Variants in PTPRJ observed in about 807,000 individuals in gnomAD.
PTPRJ encodes protein tyrosine phosphatase receptor type J.
In PTPRJ, 129 loss-of-function variants were observed where a neutral mutation model predicts 141.3. That is an observed-to-expected ratio of 0.91 (90% CI 0.79 to 1.06). The LOEUF is 1.06. Ranked by LOEUF, PTPRJ falls within the 50% of genes least tolerant of loss-of-function variation. The probability of loss-of-function intolerance (pLI) is 0.00; values close to 1 mark genes in which losing one functional copy is unlikely to be tolerated. For missense variants in PTPRJ, 1,601 were observed against 1,679.7 expected (o/e 0.95, Z 0.82); for synonymous variants, 610 against 640.5 (o/e 0.95, Z 0.72).
At chr11:48,033,530 T>A (rs750070013) in intron 1 of PTPRJ, among the ~76,000 whole-genome samples, 6 of 152,118 alleles carry the variant, frequency 3.9e-5, no homozygotes, top group Non-Finnish European at 8.8e-5. Context: ...TACCTGTTCA[T>A]CTTGTTGACA....
At chr11:48,070,783 T>C (rs1189102099) in intron 1 of PTPRJ, among the ~76,000 whole-genome samples, 2 of 152,274 alleles carry the variant, frequency 1.3e-5, no homozygotes, top group Non-Finnish European at 2.9e-5. Flanking sequence ...GTTTTTGTTC[T>C]ATGTATTATT....
At chr11:48,021,530 C>A (rs976877549) in intron 1 of PTPRJ, among the ~76,000 whole-genome samples, 5 of 151,890 alleles carry the variant, frequency 3.3e-5, no homozygotes, top group African/African-American at 1.2e-4. Context: ...GAAAGGAAGC[C>A]AAAAATGGGT....
intron 1 of PTPRJ, among the ~76,000 whole-genome samples, chr11:48,104,396 T>G (rs917356202): frequency 6.6e-5 from 10 of 152,240 alleles, no homozygotes; most frequent in Non-Finnish European, 1.3e-4. Context: ...TTGAAATCTG[T>G]GCTGCTCCAA....
chr11:48,046,426 C>G (rs919809027), intron 1 of PTPRJ: 3 of 152,112 alleles, frequency 2.0e-5, no homozygotes, highest in African/African-American at 7.2e-5. Context: ...GAAATGGAGA[C>G]TAAGAGCTCT....
chr11:47,987,350 G>T (rs1340605173), intron 1 of PTPRJ, among the ~76,000 whole-genome samples: 1 of 152,166 alleles, frequency 6.6e-6, no homozygotes, highest in Admixed American at 6.5e-5. Flanking sequence ...TAAAAAGTTG[G>T]TCTAAAGAAA....
At chr11:48,131,082 T>G (rs1195704351) in intron 8 of PTPRJ, among the ~76,000 whole-genome samples, 1 of 128,234 alleles carries the variant, frequency 7.8e-6, no homozygotes, top group East Asian at 2.2e-4. Context: ...TTTTTTTTTT[T>G]TTTTTTTTTT....
At chr11:48,007,414 TTTTTC>T (rs1854653768) in intron 1 of PTPRJ, among the ~76,000 whole-genome samples, 2 of 151,440 alleles carry the variant, frequency 1.3e-5, no homozygotes, top group Admixed American at 1.3e-4. Context: ...GGGCCAGGCC[TTTTTC>T]TTTTCTTTTT....
At chr11:48,075,178 C>G (rs1323671280) in intron 1 of PTPRJ, among the ~76,000 whole-genome samples, 1 of 152,202 alleles carries the variant, frequency 6.6e-6, no homozygotes, top group Non-Finnish European at 1.5e-5. Flanking sequence ...GAGTCTCACT[C>G]TGTCACCCAC....
chr11:48,017,837 T>G (rs929860769), intron 1 of PTPRJ, among the ~76,000 whole-genome samples: 5 of 152,208 alleles, frequency 3.3e-5, no homozygotes, highest in African/African-American at 2.4e-5. Context: ...CTCATAGAGC[T>G]TTGGGCAGTG....
At position 48,144,666 on chromosome 11, in the gene PTPRJ, C is replaced by G. The variant is rs1316631869; in HGVS notation, c.2576-9C>G. 7 of 1,608,358 alleles carry G rather than the reference C, an allele frequency of 4.4e-6. No individual in the cohort carries two copies. Among genetic ancestry groups the G allele is most frequent in the Non-Finnish European group, 6.0e-6 (7 of 1,175,028 alleles). On this transcript the variant is annotated splice_polypyrimidine_tract_variant and intron_variant, in intron 12 of 24. Coordinates refer to ENST00000418331, the MANE Select transcript of PTPRJ (RefSeq NM_002843.4). Reference sequence around the variant, plus strand: ...TTCTTATGATTCTCCTTCTGTGTACCTTTCTTAGCTGGTCACCCTTCTGCA... The same window carrying G: ...TTCTTATGATTCTCCTTCTGTGTACGTTTCTTAGCTGGTCACCCTTCTGCA...
chr11:48,159,534 A>G (rs116739518), intron 21 of PTPRJ, among the ~76,000 whole-genome samples: 115 of 152,348 alleles, frequency 7.5e-4, no homozygotes, highest in African/African-American at 2.7e-3. Flanking sequence ...ATTTTTAAAG[A>G]GAAAATAAGT....
In PTPRJ at chr11:48,168,534, GTATA is replaced by G. The variant is rs71045551; in HGVS notation, c.*1217_*1220del. The G allele has an allele frequency of 8.2e-3, 363 of 44,002 alleles. 9 individuals carry two copies. The highest frequency in any genetic ancestry group is 0.054 in the East Asian group (79 of 1,456). 2.7% of individuals were successfully genotyped at this position (44,002 alleles called of 1,614,324 possible). On this transcript the variant is annotated 3_prime_UTR_variant, in exon 25 of 25. Coordinates refer to ENST00000418331, the MANE Select transcript of PTPRJ (RefSeq NM_002843.4). ...CGTGACACATATCGGAATCTACTGT[GTATA>G]TATATATATATATATATATATATAT...
intron 1 of PTPRJ, among the ~76,000 whole-genome samples, chr11:48,042,330 T>A (rs1292460300): frequency 6.6e-6 from 1 of 152,188 alleles, no homozygotes; most frequent in African/African-American, 2.4e-5. Context: ...TAGAACACTC[T>A]GTGTCCTGAA....
Position 48,153,845 on chromosome 11 carries a change from C to T in PTPRJ, c.3188C>T (p.Ala1063Val), listed in dbSNP as rs1327183480. ...CAACCTAAATATGCAGCAGAACTGG[C>T]TGAGAATAGAGGAAAGAATCGCTAT... ...ISQPKYAAEL[A>V]ENRGKNRYNN... Residue 1063 changes from alanine to valine, a missense_variant, in exon 19 of 25, where the codon GCT becomes GTT. By Grantham distance (64) the Ala-to-Val change is moderately conservative. Coordinates refer to ENST00000418331, the MANE Select transcript of PTPRJ (RefSeq NM_002843.4). The T allele has an allele frequency of 6.2e-7, 1 of 1,613,612 alleles. No homozygotes were observed. Among genetic ancestry groups the T allele is most frequent in the Non-Finnish European group, 8.5e-7 (1 of 1,179,724 alleles).
At chr11:48,159,814 G>A in intron 21 of PTPRJ, 116 bp from the exon 22 acceptor site, 1 of 1,332,454 alleles carries the variant, frequency 7.5e-7, no homozygotes, top group Middle Eastern at 1.9e-4. Context: ...AACCCAACTA[G>A]AAGGTCTGAT....
At chr11:48,030,909 A>C (rs1425429184) in intron 1 of PTPRJ, among the ~76,000 whole-genome samples, 1 of 152,188 alleles carries the variant, frequency 6.6e-6, no homozygotes, top group Non-Finnish European at 1.5e-5. Context: ...GCTGAGAAGT[A>C]TAGTCTCTTA....
chr11:48,140,321 C>T (rs545128002), intron 11 of PTPRJ, among the ~76,000 whole-genome samples: 68 of 152,340 alleles, frequency 4.5e-4, no homozygotes, highest in Non-Finnish European at 6.0e-4. Context: ...TGAGCCACTG[C>T]GCCTGGTCGT....
chr11:48,154,880 G>C (rs535033656), intron 19 of PTPRJ, among the ~76,000 whole-genome samples: 1 of 152,302 alleles, frequency 6.6e-6, no homozygotes, highest in East Asian at 1.9e-4. Flanking sequence ...GAGATTCTCA[G>C]ATCTGGAGTG....
chr11:48,049,939 A>G (rs979196856), intron 1 of PTPRJ, among the ~76,000 whole-genome samples: 12 of 152,154 alleles, frequency 7.9e-5, no homozygotes, highest in African/African-American at 2.9e-4. Context: ...GGGAAAAATC[A>G]TAGTCTTAGA....
Sources: gnomAD v4.1 joint callset for allele counts (sites outside exome capture counted in the v4.1 genomes callset) on GRCh38, gnomAD v4.1.1 for gene constraint, MANE v1.5 for transcripts, NCBI Gene and HGNC (gene_info 2026-07-23, HGNC 2026-07-21) for gene names.